LSS: variants seen among roughly 807,000 people sequenced by gnomAD.
LSS encodes lanosterol synthase, also known as 2,3-epoxysqualene-lanosterol cyclase.
LSS carries 90 observed loss-of-function variants against 110.3 expected under a neutral mutation model. The observed-to-expected ratio is 0.82, with a 90% CI of 0.69 to 0.97. The LOEUF is 0.97. LSS is among the 50% of genes least tolerant of loss of function. LSS has a pLI of 0.00. For synonymous variants in LSS, 433 were observed against 400.0 expected, an observed-to-expected ratio of 1.08 and a Z score of -0.98; for missense variants, 927 against 990.0, an observed-to-expected ratio of 0.94 and a Z score of 0.85.
rs2080106645 is a variant in LSS, at chr21:46,209,942, C to T, written c.1195-317G>A. Among the ~76,000 whole-genome samples the T allele has an allele frequency of 6.6e-6, 1 of 152,186 alleles. No homozygotes were observed. Among genetic ancestry groups the T allele is most frequent in the Non-Finnish European group, 1.5e-5 (1 of 68,028 alleles). ...AGGCAGGCCCTTTGCGTGGCCCAGC[C>T]CTCAGGGCTCTCCAGAAACACCTTC... is the stretch of plus-strand genomic sequence containing the variant. On this transcript the variant is annotated intron_variant, in intron 12 of 21. Transcript: ENST00000397728. The surrounding 1 kb of genome is among the most constrained non-coding windows in gnomAD (Gnocchi z 4.4).
chr21:46,215,262 T>C lies in LSS; in HGVS notation c.929A>G (p.His310Arg), dbSNP rs34115287. The C allele has an allele frequency of 0.16, 252,316 of 1,609,986 alleles. 20,718 individuals are homozygous for C. The highest frequency in any genetic ancestry group is 0.17 in the Middle Eastern group (817 of 4,720). The change falls in exon 9 of 22, where the codon CAC becomes CGC. Residue 310 changes from histidine (H) to arginine (R), a missense_variant. Physicochemically the swap from His to Arg is conservative, Grantham distance 29. Coordinates refer to ENST00000397728, the MANE Select transcript of LSS (RefSeq NM_002340.6). ...LNLYEHHHSA[H>R]LRQRAVQKLY... ...CTTCTGCACGGCCCGCTGCCGCAGG[T>C]GGGCACTGTGGTGGTGCTCATACAG...
intron 11 of LSS, 127 bp from the exon 12 acceptor site, chr21:46,210,871 A>G (rs2080120639): frequency 4.7e-6 from 4 of 844,238 alleles, no homozygotes; most frequent in South Asian, 3.0e-5. Flanking sequence ...GCTCAGCCTC[A>G]GGCTCTGAGC....
At chr21:46,207,302 C>G in intron 15 of LSS, 126 bp downstream of exon 15, 1 of 1,203,678 alleles carries the variant, frequency 8.3e-7, no homozygotes, top group Non-Finnish European at 1.2e-6. Flanking sequence ...AGACACCATC[C>G]AAGGACAAGC....
chr21:46,226,473 G>T (rs147402499), intron 3 of LSS, among the ~76,000 whole-genome samples: 57 of 152,324 alleles, frequency 3.7e-4, no homozygotes, highest in African/African-American at 1.4e-3. Flanking sequence ...TCAAATCCCA[G>T]GACAGAAAAA....
At chr21:46,219,208 G>A (rs2080243993) in intron 6 of LSS, among the ~76,000 whole-genome samples, 1 of 152,144 alleles carries the variant, frequency 6.6e-6, no homozygotes, top group South Asian at 2.1e-4. Flanking sequence ...ACAGCAAGAG[G>A]GAAGCCACCC....
chr21:46,207,162 T>C (rs1210260878), intron 15 of LSS, among the ~76,000 whole-genome samples: 1 of 152,200 alleles, frequency 6.6e-6, no homozygotes, highest in Admixed American at 6.5e-5. Flanking sequence ...GAGAGAAACC[T>C]TGGGGGCCAC....
chr21:46,215,025 C>A (rs1215207506), intron 9 of LSS, among the ~76,000 whole-genome samples, 155 bp downstream of exon 9: 1 of 152,016 alleles, frequency 6.6e-6, no homozygotes, highest in Non-Finnish European at 1.5e-5. Context: ...GACAGAAGCC[C>A]TCAGACACTT....
intron 18 of LSS, among the ~76,000 whole-genome samples, chr21:46,195,990 G>A (rs746877134): frequency 6.6e-6 from 1 of 152,214 alleles, no homozygotes; most frequent in Non-Finnish European, 1.5e-5. Flanking sequence ...GCCCGGCTGC[G>A]CCCAGCAACG....
intron 20 of LSS, chr21:46,192,569 T>A (rs1443657309): frequency 2.5e-6 from 1 of 392,924 alleles, no homozygotes; most frequent in Non-Finnish European, 5.1e-6. Flanking sequence ...CATAGACCTG[T>A]ATGTACATCT....
chr21:46,218,656 T>C (rs1157536031), intron 6 of LSS, among the ~76,000 whole-genome samples: 4 of 150,098 alleles, frequency 2.7e-5, no homozygotes, highest in African/African-American at 9.8e-5. Context: ...CACCAGATAA[T>C]AAGAAATTAA....
At chr21:46,214,841 G>C (rs1482995613) in intron 9 of LSS, among the ~76,000 whole-genome samples, 1 of 152,126 alleles carries the variant, frequency 6.6e-6, no homozygotes, top group Non-Finnish European at 1.5e-5. Flanking sequence ...TGGGGAGAGG[G>C]AACCAAGTGA....
At chr21:46,211,386 C>A (rs1569028642) in intron 11 of LSS, among the ~76,000 whole-genome samples, 1 of 152,196 alleles carries the variant, frequency 6.6e-6, no homozygotes, top group Non-Finnish European at 1.5e-5. Context: ...ACCTTGGCCT[C>A]CCAAAGTGTA....
rs58875826 is a variant in LSS at position 46,195,563 on chromosome 21, AAAAC to A, written c.1817+109_1817+112del. On this transcript the variant is annotated intron_variant, in intron 19 of 21. Coordinates refer to ENST00000397728, the MANE Select transcript of LSS (RefSeq NM_002340.6). ...GTTGACAGAGCGAGACTCCGTCTCA[AAAAC>A]AAACAAACAAACAAACAAACCCTAA... 0.16 allele frequency: 157,012 copies of A among 1,010,850 alleles called. 17,732 individuals are homozygous for A. Among genetic ancestry groups the A allele is most frequent in the East Asian group, 0.6 (24,739 of 40,920 alleles). 62.6% of individuals were successfully genotyped at this position (1,010,850 alleles called of 1,614,324 possible). A position where few individuals can be genotyped will look rare whatever the true frequency, so the allele number is the denominator to read the frequency against.
At chr21:46,202,255 G>A (rs1402298406) in intron 17 of LSS, among the ~76,000 whole-genome samples, 1 of 143,968 alleles carries the variant, frequency 6.9e-6, no homozygotes, top group African/African-American at 2.5e-5. Flanking sequence ...TTAGCCGGGC[G>A]TAGTGGCGGG....
intron 5 of LSS, among the ~76,000 whole-genome samples, chr21:46,221,432 G>A (rs1342207211): frequency 6.6e-6 from 1 of 152,124 alleles, no homozygotes; most frequent in African/African-American, 2.4e-5. Context: ...CCAGCTCATT[G>A]CAACCCAGAA....
intron 3 of LSS, 68 bp from the exon 4 acceptor site, chr21:46,222,806 C>T: frequency 8.5e-7 from 1 of 1,181,030 alleles, no homozygotes; most frequent in East Asian, 2.4e-5. Flanking sequence ...AGGCCCCTTT[C>T]CTCCTGAGCA....
chr21:46,191,665 C>T (rs1392630517), intron 21 of LSS, among the ~76,000 whole-genome samples: 1 of 152,252 alleles, frequency 6.6e-6, no homozygotes, highest in Admixed American at 6.5e-5. Context: ...TCCTCCCCCA[C>T]CCAGAGCATC....
intron 17 of LSS, among the ~76,000 whole-genome samples, chr21:46,202,423 C>T: frequency 6.6e-6 from 1 of 150,432 alleles, no homozygotes; most frequent in East Asian, 2.0e-4. Context: ...AAAATAAAAT[C>T]TTAATATAAA....
At chr21:46,212,966 T>G (rs985314498) in intron 11 of LSS, 59 bp downstream of exon 11, 1 of 1,606,264 alleles carries the variant, frequency 6.2e-7, no homozygotes. Context: ...AAAGGAAAAA[T>G]AATAAAGGGG....
Sources: allele counts gnomAD v4.1 joint callset (sites outside exome capture counted in the v4.1 genomes callset), GRCh38; gene constraint gnomAD v4.1.1; non-coding constraint Gnocchi (gnomAD v3.1); transcripts MANE v1.5; gene names NCBI Gene and HGNC (gene_info 2026-07-23, HGNC 2026-07-21).